OCA2: variants seen among roughly 807,000 people sequenced by gnomAD.
OCA2 encodes P protein.
In OCA2, 77 loss-of-function variants were observed where a neutral mutation model predicts 100.2. The ratio of observed to expected loss-of-function variants is 0.77; its 90% CI spans 0.64 to 0.93. The LOEUF (loss-of-function observed/expected upper bound fraction) is 0.93, where lower values mean the gene tolerates loss of function less well. Ranked by LOEUF, OCA2 falls within the 40% of genes least tolerant of loss-of-function variation. The pLI is 0.00. For missense variants in OCA2, 1,062 were observed against 1,089.1 expected, an observed-to-expected ratio of 0.98 and a Z score of 0.35; for synonymous variants, 432 against 439.2, an observed-to-expected ratio of 0.98 and a Z score of 0.21.
intron 19 of OCA2, among the ~76,000 whole-genome samples, chr15:27,922,816 T>G (rs565213336): frequency 6.6e-6 from 1 of 152,104 alleles, no homozygotes; most frequent in African/African-American, 2.4e-5. Flanking sequence ...AAAGGACAAT[T>G]TTTTTAACTT....
chr15:28,067,969 T>A (rs2044077371), intron 2 of OCA2, among the ~76,000 whole-genome samples: 1 of 152,214 alleles, frequency 6.6e-6, no homozygotes, highest in Non-Finnish European at 1.5e-5. Context: ...GTACTGTAAG[T>A]CTTTTTACAG....
intron 18 of OCA2, among the ~76,000 whole-genome samples, chr15:27,949,810 TA>T (rs1330832174): frequency 2.0e-5 from 3 of 152,226 alleles, no homozygotes; most frequent in Non-Finnish European, 4.4e-5. Flanking sequence ...AAAGTTCTTA[TA>T]ACTCTAAGGA....
At chr15:27,799,870 A>C (rs1480353442) in intron 23 of OCA2, among the ~76,000 whole-genome samples, 1 of 152,186 alleles carries the variant, frequency 6.6e-6, no homozygotes, top group Non-Finnish European at 1.5e-5. Context: ...ACCCCACACC[A>C]GTAGTGGGCT....
chr15:27,793,869 C>T (rs1338477498), intron 23 of OCA2, among the ~76,000 whole-genome samples: 1 of 152,160 alleles, frequency 6.6e-6, no homozygotes, highest in Non-Finnish European at 1.5e-5. Context: ...CCCTCCTGGG[C>T]TGCGTGAATG....
chr15:27,986,799 G>A (rs1008683215), intron 11 of OCA2, among the ~76,000 whole-genome samples, 156 bp from the exon 12 acceptor site: 1 of 152,130 alleles, frequency 6.6e-6, no homozygotes, highest in African/African-American at 2.4e-5. Context: ...GTCACTTCCT[G>A]GAATAGTACA....
intron 19 of OCA2, among the ~76,000 whole-genome samples, chr15:27,925,314 G>C (rs980609702): frequency 1.3e-5 from 2 of 152,088 alleles, no homozygotes; most frequent in African/African-American, 4.8e-5. Flanking sequence ...CTCCAAGACA[G>C]ATCAAATGCT....
At chr15:27,863,880 A>C (rs940738565) in intron 21 of OCA2, among the ~76,000 whole-genome samples, 2 of 151,994 alleles carry the variant, frequency 1.3e-5, no homozygotes, top group Admixed American at 6.6e-5. Context: ...TAAATCTCTG[A>C]GTGTCCTCAT....
chr15:27,877,890 G>C (rs759761074), intron 19 of OCA2, among the ~76,000 whole-genome samples: 1 of 151,388 alleles, frequency 6.6e-6, no homozygotes, highest in Non-Finnish European at 1.5e-5. Context: ...TTTTCTGTTT[G>C]TCTCTTTTTT....
At chr15:27,775,048 G>A (rs1301481357) in intron 23 of OCA2, among the ~76,000 whole-genome samples, 1 of 148,864 alleles carries the variant, frequency 6.7e-6, no homozygotes, top group Non-Finnish European at 1.5e-5. Context: ...CTTGCTCAAA[G>A]GAGTTTTTAG....
At chr15:27,799,068 C>A (rs528240773) in intron 23 of OCA2, among the ~76,000 whole-genome samples, 1 of 152,300 alleles carries the variant, frequency 6.6e-6, no homozygotes, top group African/African-American at 2.4e-5. Context: ...TAATAAGTAG[C>A]TTTTAAAAAC....
At chr15:27,773,250 G>GT (rs2031996634) in intron 23 of OCA2, among the ~76,000 whole-genome samples, 1 of 152,142 alleles carries the variant, frequency 6.6e-6, no homozygotes, top group African/African-American at 2.4e-5. Context: ...TAGGTTTTGA[G>GT]TTTTTTATTC....
intron 2 of OCA2, among the ~76,000 whole-genome samples, chr15:28,046,721 A>G (rs2043359345): frequency 6.6e-6 from 1 of 152,206 alleles, no homozygotes. Flanking sequence ...TGACCACAGC[A>G]CTACCACCAT....
chr15:27,937,999 A>G (rs767510088), intron 18 of OCA2, among the ~76,000 whole-genome samples: 5 of 152,250 alleles, frequency 3.3e-5, no homozygotes, highest in Non-Finnish European at 7.3e-5. Context: ...TATAAATAAG[A>G]AAATGATGGG....
rs568884128 is a variant in OCA2, at chr15:28,083,878, T to C, written c.-21-1983A>G. Among the ~76,000 whole-genome samples the C allele has an allele frequency of 9.7e-4, 147 of 152,302 alleles. 1 individual carries two copies. The highest frequency in any genetic ancestry group is 3.3e-3 in the African/African-American group (139 of 41,564). ...TTAGAGGGGGTCCTCCTGCTCTCCA[T>C]TGACAATTCCAGGGCGCCATTGCCC... is the stretch of plus-strand genomic sequence containing the variant. On this transcript the variant is annotated intron_variant, in intron 1 of 23. Transcript: ENST00000354638.
intron 18 of OCA2, among the ~76,000 whole-genome samples, chr15:27,942,398 C>T (rs1297994709): frequency 6.6e-6 from 1 of 151,640 alleles, no homozygotes; most frequent in Non-Finnish European, 1.5e-5. Context: ...AGAAGCTGGA[C>T]ACAAAAGACC....
chr15:28,006,918 T>A (rs538558291), intron 9 of OCA2, among the ~76,000 whole-genome samples: 2 of 152,348 alleles, frequency 1.3e-5, no homozygotes, highest in South Asian at 4.1e-4. Flanking sequence ...ATGCTTCCCA[T>A]TTCTGTAAAT....
At chr15:27,862,290 C>T (rs1458917605) in intron 21 of OCA2, among the ~76,000 whole-genome samples, 1 of 151,924 alleles carries the variant, frequency 6.6e-6, no homozygotes, top group Non-Finnish European at 1.5e-5. Context: ...CAAGTCCTCA[C>T]AGAAAGCGTG....
At chr15:27,806,317 C>A (rs913677503) in intron 23 of OCA2, among the ~76,000 whole-genome samples, 1 of 152,208 alleles carries the variant, frequency 6.6e-6, no homozygotes, top group African/African-American at 2.4e-5. Context: ...CCAACTGTTA[C>A]GGAGCCTGAG....
chr15:27,932,247 C>A (rs375264086), intron 18 of OCA2, among the ~76,000 whole-genome samples: 115 of 152,268 alleles, frequency 7.6e-4, no homozygotes, highest in African/African-American at 2.6e-3. Context: ...CTGTTCTAAC[C>A]TGGCTGGAGG....
Sources: allele counts gnomAD v4.1 joint callset (sites outside exome capture counted in the v4.1 genomes callset), GRCh38; gene constraint gnomAD v4.1.1; transcripts MANE v1.5; gene names NCBI Gene and HGNC (gene_info 2026-07-23, HGNC 2026-07-21).